The following NFATC4 variants were observed in gnomAD, a reference collection of about 807,000 sequenced individuals.
The protein encoded by NFATC4 is nuclear factor of activated T cells 4.
Under a neutral mutation model 73.4 loss-of-function variants are expected in NFATC4, and 25 were observed. That is an observed-to-expected ratio of 0.34 (90% CI 0.25 to 0.48). The LOEUF is 0.48. NFATC4 is among the 20% of genes least tolerant of loss of function. The pLI is 0.99. For synonymous variants in NFATC4, 523 were observed against 510.3 expected, an observed-to-expected ratio of 1.02 and a Z score of -0.34; for missense variants, 1,130 against 1,203.7, an observed-to-expected ratio of 0.94 and a Z score of 0.91.
rs1192824078 is a variant in NFATC4, at chr14:24,374,103, G to A, written c.1733-223G>A. ...CCTGGGGTGCCCTGTGCCCTTGTTT[G>A]GGAAACTCCCTGGTCTACCCTGTTT... On this transcript the variant is annotated intron_variant, in intron 5 of 9. Coordinates refer to ENST00000250373, the MANE Select transcript of NFATC4 (RefSeq NM_004554.5). 7 of 888,210 alleles carry A rather than the reference G, an allele frequency of 7.9e-6. 1 individual carries two copies. Among genetic ancestry groups the A allele is most frequent in the South Asian group, 2.8e-5 (2 of 70,358 alleles). The allele number at this position is 888,210 out of a possible 1,614,324, so 55.0% of individuals were successfully genotyped here. A position where few individuals can be genotyped will look rare whatever the true frequency, so the allele number is the denominator to read the frequency against.
In NFATC4 at chr14:24,376,240, G is replaced by T; in HGVS notation, c.2057-54G>T. The T allele has an allele frequency of 6.4e-7, 1 of 1,562,462 alleles. No individual in the cohort carries two copies. Among genetic ancestry groups the T allele is most frequent in the Non-Finnish European group, 8.7e-7 (1 of 1,152,716 alleles). ...AGCAGGCAGCTGGAAGGTGTGCAGT[G>T]GGGAGACTACCAGACCTCTCACCAG... On this transcript the variant is annotated intron_variant, in intron 8 of 9. Coordinates refer to ENST00000250373, the MANE Select transcript of NFATC4 (RefSeq NM_004554.5). The surrounding 1 kb of genome is among the most constrained non-coding windows in gnomAD (Gnocchi z 5.0).
At chr14:24,367,271 G>T, upstream of NFATC4, 6 of 1,594,482 alleles carry the variant, frequency 3.8e-6, no homozygotes, top group Non-Finnish European at 5.1e-6. Flanking sequence ...AAGAGGAGGG[G>T]AACCCACAGG....
chr14:24,367,627 C>T, upstream of NFATC4: 1 of 1,536,124 alleles, frequency 6.5e-7, no homozygotes, highest in Non-Finnish European at 8.7e-7. Flanking sequence ...CAAAGACTTC[C>T]AGAAGGCCCG....
rs1430973095 is a variant in NFATC4 at position 24,378,910 on chromosome 14, TTGTC to T, written c.*1211_*1214del. Reference sequence around the variant, plus strand: ...TTCCACTGGGCTGGGAAAAGTCACTTTGTCTGTCTTGTTCACCTGGAGCCTGACA... The same window carrying T: ...TTCCACTGGGCTGGGAAAAGTCACTTTGTCTTGTTCACCTGGAGCCTGACA... On this transcript the variant is annotated 3_prime_UTR_variant, in exon 10 of 10. Coordinates refer to ENST00000250373, the MANE Select transcript of NFATC4 (RefSeq NM_004554.5). The T allele has an allele frequency of 8.5e-5, 13 of 152,314 alleles. No homozygotes were observed. The highest frequency in any genetic ancestry group is 1.8e-4 in the Non-Finnish European group (12 of 68,102). 9.4% of individuals were successfully genotyped at this position (152,314 alleles called of 1,614,324 possible). A position where few individuals can be genotyped will look rare whatever the true frequency, so the allele number is the denominator to read the frequency against.
At position 24,369,612 on chromosome 14, in the gene NFATC4, C is replaced by A. The variant is rs553959636; in HGVS notation, c.214C>A (p.His72Asn). The change falls in exon 2 of 10, where the codon CAT (histidine) becomes AAT (asparagine). Residue 72 changes from histidine to asparagine, a missense_variant. By Grantham distance (68) the His-to-Asn change is moderately conservative. Around this residue, in one of 3 missense-constraint regions of NFATC4, gnomAD observed 585 missense variants for 574.3 expected, o/e 1.02. Transcript: ENST00000250373. ...ACCTCCACCCCCTCGGCCTGGCATG[C>A]ATTCGCCACCGCCGCGACCAGCCCC... is the stretch of plus-strand genomic sequence containing the variant. ...PRPPPPRPGMHSPPPRPAPSP... is the reference protein window; with the variant it reads ...PRPPPPRPGMNSPPPRPAPSP... 1.9e-6 allele frequency: 3 copies of A among 1,613,322 alleles called. No individual in the cohort carries two copies. The South Asian group carries it at 3.3e-5, about 18-fold the overall frequency.
chr14:24,377,806 C>A lies in NFATC4; in HGVS notation c.*101C>A. Reference sequence around the variant, plus strand: ...GTGGCTACAGAAGCTTGGGGCCAACCCTGGCTCCTCTTTCCCCAGCTTCTG... The same window carrying A: ...GTGGCTACAGAAGCTTGGGGCCAACACTGGCTCCTCTTTCCCCAGCTTCTG... On this transcript the variant is annotated 3_prime_UTR_variant, in exon 10 of 10. Transcript: ENST00000250373. This position sits in a 1 kb window ranked among gnomAD's most constrained non-coding sequence, Gnocchi z 4.2. 6.3e-7 allele frequency: 1 copy of A among 1,587,884 alleles called. No homozygotes were observed. The highest frequency in any genetic ancestry group is 8.6e-7 in the Non-Finnish European group (1 of 1,165,734).
rs960555974 is a variant in NFATC4, at chr14:24,376,971, G to A, written c.2641+93G>A. The A allele has an allele frequency of 1.3e-5, 19 of 1,422,770 alleles. No homozygotes were observed. Among genetic ancestry groups the A allele is most frequent in the Non-Finnish European group, 1.6e-5 (18 of 1,091,464 alleles). 88.1% of individuals were successfully genotyped at this position (1,422,770 alleles called of 1,614,324 possible). ...GCTGGAGCTGGGCTTTTCAGAGATC[G>A]GGCATCCCTGGTCTCTCAGGGCCAG... On this transcript the variant is annotated intron_variant, in intron 9 of 9. Transcript: ENST00000250373. This position sits in a 1 kb window ranked among gnomAD's most constrained non-coding sequence, Gnocchi z 5.0.
upstream of NFATC4, chr14:24,367,414 A>G (rs980763536): frequency 5.1e-5 from 78 of 1,535,662 alleles, no homozygotes; most frequent in Non-Finnish European, 6.5e-5. Flanking sequence ...GTGGAGGCTA[A>G]TTCACGGCCC....
At position 24,373,391 on chromosome 14, in the gene NFATC4, C is replaced by T. The variant is rs1177757405; in HGVS notation, c.1559+21C>T. The T allele has an allele frequency of 6.2e-7, 1 of 1,612,686 alleles. No homozygotes were observed. Among genetic ancestry groups the T allele is most frequent in the Non-Finnish European group, 8.5e-7 (1 of 1,179,648 alleles). On this transcript the variant is annotated intron_variant, in intron 4 of 9. Transcript: ENST00000250373. This position sits in a 1 kb window ranked among gnomAD's most constrained non-coding sequence, Gnocchi z 4.7. ...GCCAAGTAAGTCCCATGCAACTTCC[C>T]CTCAGTCCGCAGGCTTTGTACTAGC...
chr14:24,375,938 C>T (rs771677663), intron 7 of NFATC4, 37 bp from the exon 8 acceptor site: 1 of 1,613,014 alleles, frequency 6.2e-7, no homozygotes, highest in South Asian at 1.1e-5. Flanking sequence ...AGCCCAGATG[C>T]CCGAGGGCTC....
chr14:24,372,341 C>T (rs2042495547), intron 2 of NFATC4, 100 bp from the exon 3 acceptor site: 6 of 1,275,396 alleles, frequency 4.7e-6, no homozygotes, highest in Admixed American at 2.3e-5. Context: ...CTGTGCTTTC[C>T]TTTCTCTCAG....
At chr14:24,367,985 C>A, upstream of NFATC4, 1 of 1,031,068 alleles carries the variant, frequency 9.7e-7, no homozygotes, top group Non-Finnish European at 1.1e-6. Context: ...GACCGTTTTC[C>A]AATTCAGTTT....
rs557141504 is a variant in NFATC4 at position 24,378,932 on chromosome 14, G to A, written c.*1227G>A. 2.0e-5 allele frequency: 3 copies of A among 152,372 alleles called. No individual in the cohort carries two copies. Among genetic ancestry groups the A allele is most frequent in the South Asian group, 4.1e-4 (2 of 4,832 alleles). The allele number at this position is 152,372 out of a possible 1,614,324, so 9.4% of individuals were successfully genotyped here. On this transcript the variant is annotated 3_prime_UTR_variant, in exon 10 of 10. Transcript: ENST00000250373. ...ACTTTGTCTGTCTTGTTCACCTGGAGCCTGACACACCGTAGGTACTGAGTA... is the reference window on the plus strand; with the variant it reads ...ACTTTGTCTGTCTTGTTCACCTGGAACCTGACACACCGTAGGTACTGAGTA...
In NFATC4 at chr14:24,369,969, C is replaced by G; in HGVS notation, c.571C>G (p.Leu191Val). Residue 191 changes from leucine (L) to valine (V), a missense_variant, in exon 2 of 10, where the codon CTG becomes GTG. Transcript: ENST00000250373. ...CTCCGATGCCTCTGACGAGGCAGCC[C>G]TGTATGCAGCCTGCGACGAGGTGGA... Reference protein sequence around the residue: ...FFSDASDEAALYAACDEVESE... With the variant: ...FFSDASDEAAVYAACDEVESE... 6.2e-7 allele frequency: 1 copy of G among 1,612,982 alleles called. No individual in the cohort carries two copies. Among genetic ancestry groups the G allele is most frequent in the African/African-American group, 1.3e-5 (1 of 75,034 alleles).
rs779787846 is a variant in NFATC4 at position 24,373,174 on chromosome 14, C to A, written c.1363C>A (p.Leu455Ile). The change falls in exon 4 of 10, where the codon CTA becomes ATA. Residue 455 changes from leucine (L) to isoleucine (I), a missense_variant. Coordinates refer to ENST00000250373, the MANE Select transcript of NFATC4 (RefSeq NM_004554.5). This position sits in a 1 kb window ranked among gnomAD's most constrained non-coding sequence, Gnocchi z 4.7. Reference sequence around the variant, plus strand: ...GGCCGCTCTCTCCCTCTGCCAGCTCCTAGGCTACAGTGAGAAGCCACTGAC... The same window carrying A: ...GGCCGCTCTCTCCCTCTGCCAGCTCATAGGCTACAGTGAGAAGCCACTGAC... ...APGGHPVVKL[L>I]GYSEKPLTLQ... 6.2e-7 allele frequency: 1 copy of A among 1,613,978 alleles called. No individual in the cohort carries two copies. The highest frequency in any genetic ancestry group is 1.3e-5 in the African/African-American group (1 of 75,052).
At chr14:24,366,944 T>G, upstream of NFATC4, 2 of 1,549,372 alleles carry the variant, frequency 1.3e-6, no homozygotes, top group East Asian at 4.5e-5. Context: ...CGCTTAACCG[T>G]TTAGTTGCTG....
chr14:24,369,592 C>T lies in NFATC4; in HGVS notation c.194C>T (p.Pro65Leu). The T allele has an allele frequency of 6.2e-7, 1 of 1,613,252 alleles. No individual in the cohort carries two copies. Among genetic ancestry groups the T allele is most frequent in the Non-Finnish European group, 8.5e-7 (1 of 1,179,734 alleles). Residue 65 changes from proline (P) to leucine (L), a missense_variant, in exon 2 of 10, where the codon CCA becomes CTA. Pro to Leu is a moderately conservative substitution (Grantham distance 98, BLOSUM62 -3). Coordinates refer to ENST00000250373, the MANE Select transcript of NFATC4 (RefSeq NM_004554.5). ...GAAPIGIPRP[P>L]PPRPGMHSPP... ...GCACCTATCGGTATTCCCCGACCTC[C>T]ACCCCCTCGGCCTGGCATGCATTCG...
Position 24,376,203 on chromosome 14 carries a change from G to A in NFATC4, c.2057-91G>A. The A allele has an allele frequency of 6.3e-7, 1 of 1,581,214 alleles. No homozygotes were observed. Among genetic ancestry groups the A allele is most frequent in the Non-Finnish European group, 8.6e-7 (1 of 1,162,042 alleles). On this transcript the variant is annotated intron_variant, in intron 8 of 9. Coordinates refer to ENST00000250373, the MANE Select transcript of NFATC4 (RefSeq NM_004554.5). This position sits in a 1 kb window ranked among gnomAD's most constrained non-coding sequence, Gnocchi z 5.0. The stretch of plus-strand genomic sequence containing the variant: ...ATCATGAGGGGCCAAGGGGTGAATG[G>A]AACCTGGGAGGAGCAGGCAGCTGGA...
Position 24,369,656 on chromosome 14 carries a change from G to A in NFATC4, c.258G>A (p.Glu86=). 1 of 1,612,988 alleles carries A rather than the reference G, an allele frequency of 6.2e-7. No homozygotes were observed. The highest frequency in any genetic ancestry group is 1.1e-5 in the South Asian group (1 of 91,020). The part of the protein sequence containing the change: ...PRPAPSPGTW[E]SQPARSVRLG... The stretch of plus-strand genomic sequence containing the variant: ...CAGCCCCCTCACCTGGCACCTGGGA[G>A]AGCCAGCCCGCCAGGTCGGTGAGGC... The change falls in exon 2 of 10, where the codon GAG becomes GAA. Residue 86 remains glutamate, a synonymous_variant. Coordinates refer to ENST00000250373, the MANE Select transcript of NFATC4 (RefSeq NM_004554.5).
Sources: allele counts gnomAD v4.1 joint callset, GRCh38; gene constraint gnomAD v4.1.1; regional missense constraint gnomAD v4.1.1; non-coding constraint Gnocchi (gnomAD v3.1); transcripts MANE v1.5; gene names NCBI Gene and HGNC (gene_info 2026-07-23, HGNC 2026-07-21).